Variants in RIT2 observed in about 807,000 individuals in gnomAD.
RIT2 encodes the protein Ras like without CAAX 2.
In RIT2, 24 loss-of-function variants were observed where a neutral mutation model predicts 23.7. The observed-to-expected ratio is 1.01, with a 90% CI of 0.73 to 1.43. The LOEUF is 1.43. Ranked by LOEUF, RIT2 falls within the 40% of genes most tolerant of loss-of-function variation. RIT2 has a pLI of 0.00. For synonymous variants in RIT2, 107 were observed against 91.1 expected, an observed-to-expected ratio of 1.17 and a Z score of -0.99; for missense variants, 236 against 266.9, an observed-to-expected ratio of 0.88 and a Z score of 0.81.
intron 1 of RIT2, among the ~76,000 whole-genome samples, chr18:43,075,504 G>A (rs995352388): frequency 6.6e-6 from 1 of 152,016 alleles, no homozygotes; most frequent in Non-Finnish European, 1.5e-5. Context: ...CCAGTACTAA[G>A]CATACTCAAT....
At chr18:43,086,953 A>G (rs965033780) in intron 1 of RIT2, among the ~76,000 whole-genome samples, 2 of 152,122 alleles carry the variant, frequency 1.3e-5, no homozygotes, top group Non-Finnish European at 2.9e-5. Context: ...CTGCTGGCCC[A>G]GAGTAGGTAT....
At chr18:42,958,739 C>T (rs144542021) in intron 3 of RIT2, among the ~76,000 whole-genome samples, 2 of 152,240 alleles carry the variant, frequency 1.3e-5, no homozygotes, top group African/African-American at 4.8e-5. Flanking sequence ...GACTCTGGAA[C>T]GTGCCCCCTC....
chr18:42,913,631 T>C (rs72893306), intron 4 of RIT2, among the ~76,000 whole-genome samples: 1 of 152,052 alleles, frequency 6.6e-6, no homozygotes, highest in Non-Finnish European at 1.5e-5. Context: ...GACAAATACT[T>C]AATGATTTCA....
At chr18:42,979,940 G>A (rs1945001) in intron 2 of RIT2, among the ~76,000 whole-genome samples, 1 of 152,054 alleles carries the variant, frequency 6.6e-6, no homozygotes, top group Non-Finnish European at 1.5e-5. Flanking sequence ...AGAACACTCA[G>A]AGGAACTGAT....
chr18:43,029,479 A>G (rs145025542), intron 2 of RIT2, among the ~76,000 whole-genome samples: 1 of 152,162 alleles, frequency 6.6e-6, no homozygotes, highest in Non-Finnish European at 1.5e-5. Context: ...CCTAAGAAAC[A>G]ATGGATAGGT....
At chr18:42,900,710 T>C (rs763864869) in intron 4 of RIT2, among the ~76,000 whole-genome samples, 3 of 152,030 alleles carry the variant, frequency 2.0e-5, no homozygotes, top group Admixed American at 6.6e-5. Flanking sequence ...TAACAAGATA[T>C]GTGAGGGATA....
chr18:43,066,150 G>A (rs2144329494), intron 1 of RIT2, among the ~76,000 whole-genome samples: 1 of 152,176 alleles, frequency 6.6e-6, no homozygotes, highest in Non-Finnish European at 1.5e-5. Context: ...TAAAAGTTGA[G>A]TTCTATCTAT....
At chr18:42,760,646 C>T (rs1323039433) in intron 4 of RIT2, among the ~76,000 whole-genome samples, 1 of 152,166 alleles carries the variant, frequency 6.6e-6, no homozygotes, top group Non-Finnish European at 1.5e-5. Context: ...CTGCCACTTA[C>T]TAGTTGAATG....
chr18:43,036,408 C>T (rs939671583), intron 1 of RIT2, among the ~76,000 whole-genome samples: 1 of 151,994 alleles, frequency 6.6e-6, no homozygotes, highest in Non-Finnish European at 1.5e-5. Flanking sequence ...GGCGTGGTGG[C>T]GCATGCTTGT....
At chr18:42,784,777 A>ATTC (rs1383984438) in intron 4 of RIT2, among the ~76,000 whole-genome samples, 1 of 152,074 alleles carries the variant, frequency 6.6e-6, no homozygotes, top group East Asian at 1.9e-4. Context: ...TTACCCTAGC[A>ATTC]TTCTTAGGGA....
At chr18:42,916,868 A>C (rs1483670014) in intron 4 of RIT2, among the ~76,000 whole-genome samples, 1 of 152,090 alleles carries the variant, frequency 6.6e-6, no homozygotes, top group Non-Finnish European at 1.5e-5. Flanking sequence ...TTCTGAAAGG[A>C]AGGAGAAGGA....
At chr18:42,918,783 G>T (rs922189431) in intron 4 of RIT2, among the ~76,000 whole-genome samples, 3 of 152,090 alleles carry the variant, frequency 2.0e-5, no homozygotes, top group African/African-American at 7.2e-5. Context: ...TCTACTGCTT[G>T]TGTACACTCC....
chr18:42,822,160 G>A (rs1458031645), intron 4 of RIT2, among the ~76,000 whole-genome samples: 1 of 152,106 alleles, frequency 6.6e-6, no homozygotes, highest in Admixed American at 6.6e-5. Context: ...CATGCATGTA[G>A]AGTATTTTTA....
chr18:43,042,972 T>C (rs1912162898), intron 1 of RIT2, among the ~76,000 whole-genome samples: 1 of 152,200 alleles, frequency 6.6e-6, no homozygotes, highest in Non-Finnish European at 1.5e-5. Context: ...CATTTTCCAC[T>C]ATTAAATAAC....
chr18:42,918,414 G>A (rs1908968249), intron 4 of RIT2, among the ~76,000 whole-genome samples: 1 of 151,988 alleles, frequency 6.6e-6, no homozygotes, highest in South Asian at 2.1e-4. Context: ...CTATGGAAAA[G>A]ATAAATAAAG....
At chr18:42,764,959 G>A (rs1598644929) in intron 4 of RIT2, among the ~76,000 whole-genome samples, 1 of 152,180 alleles carries the variant, frequency 6.6e-6, no homozygotes, top group Non-Finnish European at 1.5e-5. Flanking sequence ...ATCTTGAAAA[G>A]TCACTGTGGC....
chr18:43,047,311 C>T (rs1219700104), intron 1 of RIT2, among the ~76,000 whole-genome samples: 5 of 152,022 alleles, frequency 3.3e-5, no homozygotes, highest in Non-Finnish European at 7.4e-5. Flanking sequence ...CTTTCTAGAA[C>T]TTGCTGTCAT....
chr18:42,791,335 T>C (rs867677286), intron 4 of RIT2, among the ~76,000 whole-genome samples: 1 of 152,216 alleles, frequency 6.6e-6, no homozygotes, highest in Non-Finnish European at 1.5e-5. Context: ...AGTTACAATA[T>C]ATGGAAAATG....
chr18:42,913,595 T>G lies in RIT2; in HGVS notation c.426+9977A>C, dbSNP rs1005350992. Among the ~76,000 whole-genome samples the G allele has an allele frequency of 2.0e-5, 3 of 152,114 alleles. No homozygotes were observed. The East Asian group carries it at 5.8e-4, about 29-fold the overall frequency. On this transcript the variant is annotated intron_variant, in intron 4 of 4. Transcript: ENST00000326695. ...ATGAAAATAAAAATAAGCATTATCT[T>G]AGGCGAAATAAGCCAGGCACAGAAA...
Sources: gnomAD v4.1 joint callset for allele counts (sites outside exome capture counted in the v4.1 genomes callset) on GRCh38, gnomAD v4.1.1 for gene constraint, MANE v1.5 for transcripts, NCBI Gene and HGNC (gene_info 2026-07-23, HGNC 2026-07-21) for gene names.